Variants in IAH1 observed in about 807,000 individuals in gnomAD.
IAH1 encodes the protein isoamyl acetate hydrolyzing esterase 1 (putative).
Under a neutral mutation model 26.7 loss-of-function variants are expected in IAH1, and 24 were observed. The observed-to-expected ratio is 0.90, with a 90% confidence interval of 0.65 to 1.26. The LOEUF is 1.26. IAH1 is among the 50% of genes most tolerant of loss of function. IAH1 has a pLI of 0.00. For synonymous variants in IAH1, 140 were observed against 118.5 expected (o/e 1.18, Z -1.18); for missense variants, 300 against 299.9 (o/e 1.00, Z 0.00).
chr2:9,479,143 G>T (rs1157303569), intron 3 of IAH1, among the ~76,000 whole-genome samples: 1 of 152,182 alleles, frequency 6.6e-6, no homozygotes, highest in African/African-American at 2.4e-5. Context: ...ACAGGTATCG[G>T]TGGAGACTGC....
At chr2:9,496,297 T>G (rs1029123152) in intron 6 of IAH1, 3 of 151,800 alleles carry the variant, frequency 2.0e-5, no homozygotes, top group African/African-American at 7.3e-5. Flanking sequence ...CCCGGCTAAT[T>G]TTTTTTATTT....
chr2:9,478,143 C>G (rs1660935319), intron 2 of IAH1, 79 bp from the exon 3 acceptor site: 1 of 1,311,982 alleles, frequency 7.6e-7, no homozygotes, highest in East Asian at 2.5e-5. Context: ...CCAGAGAGCA[C>G]ACCCTCACTA....
chr2:9,474,544 G>GCCCCCCCCCCCCCC, upstream of IAH1: 1 of 971,214 alleles, frequency 1.0e-6, no homozygotes, highest in Non-Finnish European at 1.5e-6. This position sits in a 1 kb window ranked among gnomAD's most constrained non-coding sequence, Gnocchi z 4.3. Context: ...TGGCGGCCCC[G>GCCCCCCCCCCCCCC]CCCCGCCCCG....
chr2:9,478,196 C>A, intron 2 of IAH1, 26 bp from the exon 3 acceptor site: 1 of 1,587,100 alleles, frequency 6.3e-7, no homozygotes, highest in Non-Finnish European at 8.6e-7. Context: ...GCCCACAATT[C>A]ATCTTTTTAA....
intron 6 of IAH1, chr2:9,494,896 A>G: frequency 8.7e-7 from 1 of 1,146,866 alleles, no homozygotes; most frequent in Non-Finnish European, 1.2e-6. Context: ...TTAAATAGCT[A>G]ATACTATCCA....
chr2:9,498,411 G>T (rs1048552164), downstream of IAH1, among the ~76,000 whole-genome samples: 9 of 152,144 alleles, frequency 5.9e-5, no homozygotes, highest in South Asian at 6.2e-4. Context: ...TCTGGAAAAT[G>T]AATAGCACAA....
At chr2:9,497,159 G>A, downstream of IAH1, 1 of 1,614,164 alleles carries the variant, frequency 6.2e-7, no homozygotes, top group African/African-American at 1.3e-5. Flanking sequence ...TCGCAGAAAG[G>A]GATGCATTTC....
In IAH1 at chr2:9,489,259, A is replaced by ATTTTTTTTTTTTTTTTTTTT. The variant is rs34525911; in HGVS notation, c.*935_*954dup. 2.5e-4 allele frequency: 22 copies of ATTTTTTTTTTTTTTTTTTTT among 87,398 alleles called. 1 individual carries two copies. Among genetic ancestry groups the ATTTTTTTTTTTTTTTTTTTT allele is most frequent in the African/African-American group, 1.4e-3 (21 of 15,528 alleles). The allele number at this position is 87,398 out of a possible 1,614,324, so 5.4% of individuals were successfully genotyped here. ...AATATTCTAGGTTTGTAGATAGTGA[A>ATTTTTTTTTTTTTTTTTTTT]TTTTTTTTTTTTTTTTTTTTTTTTG... On this transcript the variant is annotated 3_prime_UTR_variant, in exon 6 of 6. Coordinates refer to ENST00000497473, the MANE Select transcript of IAH1 (RefSeq NM_001039613.3).
At chr2:9,474,544 G>GCCCCA (rs2124886373), upstream of IAH1, 6 of 971,214 alleles carry the variant, frequency 6.2e-6, no homozygotes, top group Admixed American at 2.9e-5. This position sits in a 1 kb window ranked among gnomAD's most constrained non-coding sequence, Gnocchi z 4.3. Context: ...TGGCGGCCCC[G>GCCCCA]CCCCGCCCCG....
intron 6 of IAH1, among the ~76,000 whole-genome samples, chr2:9,495,925 C>G (rs913811992): frequency 6.7e-6 from 1 of 150,222 alleles, no homozygotes; most frequent in Admixed American, 6.6e-5. Flanking sequence ...TCAAACAACT[C>G]CTGAGCTCAA....
downstream of IAH1, among the ~76,000 whole-genome samples, chr2:9,499,410 G>GT (rs1046193136): frequency 2.3e-4 from 34 of 150,180 alleles, no homozygotes; most frequent in East Asian, 1.8e-3. Flanking sequence ...TGTTTTTTTG[G>GT]TTTTTTTTTG....
chr2:9,488,323 C>T lies in IAH1; in HGVS notation c.741C>T (p.Asp247=), dbSNP rs373032596. Residue 247 remains aspartate (D), a synonymous_variant, in exon 6 of 6, where the codon GAC becomes GAT. Coordinates refer to ENST00000497473, the MANE Select transcript of IAH1 (RefSeq NM_001039613.3). ...KPELSLLGDG[D]H Reference sequence around the variant, plus strand: ...AATTAAGTCTGCTGGGAGATGGAGACCATTAGCCAATCACAGGAGACCCAA... The same window carrying T: ...AATTAAGTCTGCTGGGAGATGGAGATCATTAGCCAATCACAGGAGACCCAA... 2.9e-5 allele frequency: 47 copies of T among 1,598,850 alleles called. No individual in the cohort carries two copies. The African/African-American group carries it at 6.1e-4, about 21-fold the overall frequency.
intron 5 of IAH1, chr2:9,486,069 T>A (rs1401792928): frequency 6.6e-6 from 1 of 152,146 alleles, no homozygotes; most frequent in Non-Finnish European, 1.5e-5. Flanking sequence ...AGTGCCAACT[T>A]TTTCCTCTCC....
the IAH1 span, among the ~76,000 whole-genome samples, chr2:9,509,169 A>G: frequency 1.3e-5 from 2 of 152,192 alleles, no homozygotes; most frequent in African/African-American, 2.4e-5. Flanking sequence ...AATACTTCAC[A>G]ATCTTTTGTG....
At chr2:9,503,739 G>A in the IAH1 span, among the ~76,000 whole-genome samples, 3 of 151,548 alleles carry the variant, frequency 2.0e-5, no homozygotes, top group Non-Finnish European at 4.4e-5. Flanking sequence ...TGGGGAGGCT[G>A]AGGCAGGGGA....
In IAH1 at chr2:9,479,795, C is replaced by CTTTTT. The variant is rs5829216; in HGVS notation, c.283+1456_284-1456dup. On this transcript the variant is annotated intron_variant, in intron 3 of 5. Coordinates refer to ENST00000497473, the MANE Select transcript of IAH1 (RefSeq NM_001039613.3). ...TGTGTGCGGAGATTTCTGTGTATTG[C>CTTTTT]TTTTTTTTTTTTTTTTTTTTTTTTT... Among the ~76,000 whole-genome samples the CTTTTT allele has an allele frequency of 1.4e-3, 96 of 69,858 alleles. 4 individuals carry two copies. The highest frequency in any genetic ancestry group is 8.4e-3 in the East Asian group (7 of 832). 45.8% of individuals were successfully genotyped at this position (69,858 alleles called of 152,430 possible).
At chr2:9,511,434 G>A in the IAH1 span, among the ~76,000 whole-genome samples, 1 of 151,342 alleles carries the variant, frequency 6.6e-6, no homozygotes, top group Non-Finnish European at 1.5e-5. Flanking sequence ...TAGGCAACAA[G>A]AGTGAAACTC....
intron 5 of IAH1, 49 bp from the exon 6 acceptor site, chr2:9,488,098 A>G: frequency 7.7e-7 from 1 of 1,294,252 alleles, no homozygotes; most frequent in Non-Finnish European, 1.1e-6. Context: ...GGGGTGAGCT[A>G]CCACACGTGG....
chr2:9,482,109 G>A (rs1661218042), intron 4 of IAH1, among the ~76,000 whole-genome samples: 1 of 146,652 alleles, frequency 6.8e-6, no homozygotes, highest in Non-Finnish European at 1.5e-5. Context: ...TCGGCTCACT[G>A]CAACCTTTGC....
Sources: gnomAD v4.1 joint callset for allele counts (sites outside exome capture counted in the v4.1 genomes callset) on GRCh38, gnomAD v4.1.1 for gene constraint, Gnocchi (gnomAD v3.1) non-coding constraint, MANE v1.5 for transcripts, NCBI Gene and HGNC (gene_info 2026-07-23, HGNC 2026-07-21) for gene names.